Variants in DNAH11 observed in about 807,000 individuals in gnomAD.
The protein encoded by DNAH11 is axonemal beta dynein heavy chain 11.
DNAH11 carries 442 observed loss-of-function variants against 526.0 expected under a neutral mutation model. The observed-to-expected ratio is 0.84, with a 90% confidence interval of 0.78 to 0.91. The LOEUF (loss-of-function observed/expected upper bound fraction) is 0.91. Among genes scored for constraint, DNAH11 ranks in the 40% least tolerant of loss-of-function variants. The pLI, the probability that DNAH11 is intolerant of heterozygous loss-of-function variation, is 0.00. For synonymous variants in DNAH11, 2,461 were observed against 1,935.9 expected, an observed-to-expected ratio of 1.27 and a Z score of -7.12; for missense variants, 6,989 against 5,448.7, an observed-to-expected ratio of 1.28 and a Z score of -8.90.
chr7:21,852,273 G>A (rs928216278), intron 66 of DNAH11, among the ~76,000 whole-genome samples, 194 bp from the exon 67 acceptor site: 1 of 151,934 alleles, frequency 6.6e-6, no homozygotes, highest in Non-Finnish European at 1.5e-5. Flanking sequence ...TGGATGTGGT[G>A]GCAGGCACCT....
intron 6 of DNAH11, among the ~76,000 whole-genome samples, chr7:21,569,062 T>C (rs1783779845): frequency 6.6e-6 from 1 of 152,186 alleles, no homozygotes; most frequent in Non-Finnish European, 1.5e-5. Flanking sequence ...TTTTAGACAC[T>C]AAATGAATGA....
At chr7:21,867,194 C>T (rs1288411269) in intron 71 of DNAH11, among the ~76,000 whole-genome samples, 1 of 152,182 alleles carries the variant, frequency 6.6e-6, no homozygotes, top group Non-Finnish European at 1.5e-5. Context: ...TAATGTGCTG[C>T]TTAATTCACA....
intron 65 of DNAH11, among the ~76,000 whole-genome samples, chr7:21,837,947 A>G (rs1782056087): frequency 6.6e-6 from 1 of 152,182 alleles, no homozygotes. Flanking sequence ...GGGGCCCCAT[A>G]AATATGTATA....
At chr7:21,846,175 A>C (rs941822735) in intron 66 of DNAH11, among the ~76,000 whole-genome samples, 1 of 152,180 alleles carries the variant, frequency 6.6e-6, no homozygotes, top group Non-Finnish European at 1.5e-5. Flanking sequence ...TCATGCGTGA[A>C]CAAAGACAAT....
intron 25 of DNAH11, among the ~76,000 whole-genome samples, chr7:21,624,114 A>G (rs984594845): frequency 6.6e-6 from 1 of 152,104 alleles, no homozygotes; most frequent in African/African-American, 2.4e-5. Flanking sequence ...GTTGCAACAC[A>G]TGAGCTTTGA....
chr7:21,595,739 A>C (rs1229736696), intron 14 of DNAH11, among the ~76,000 whole-genome samples: 1 of 152,006 alleles, frequency 6.6e-6, no homozygotes, highest in Non-Finnish European at 1.5e-5. Context: ...CAAACTGAAA[A>C]CACAAATGAA....
At chr7:21,752,025 A>C (rs1786435885) in intron 54 of DNAH11, among the ~76,000 whole-genome samples, 1 of 152,226 alleles carries the variant, frequency 6.6e-6, no homozygotes, top group Non-Finnish European at 1.5e-5. Flanking sequence ...GCAACTTTTT[A>C]AAAATGCATT....
At chr7:21,720,180 T>G (rs1000462986) in intron 43 of DNAH11, among the ~76,000 whole-genome samples, 4 of 152,208 alleles carry the variant, frequency 2.6e-5, no homozygotes, top group African/African-American at 9.6e-5. Flanking sequence ...ATTCTAAATT[T>G]ATGACAACGG....
At chr7:21,763,353 A>AAAAAAAAAAAAAGAAG (rs66803559) in intron 54 of DNAH11, among the ~76,000 whole-genome samples, 1,198 of 56,620 alleles carry the variant, frequency 0.021, 35 homozygotes, top group Non-Finnish European at 0.026. Flanking sequence ...AAAAAAAAAA[A>AAAAAAAAAAAAAGAAG]AAAGAAAAAA....
chr7:21,839,435 T>C (rs6958523), intron 65 of DNAH11, among the ~76,000 whole-genome samples: 97,627 of 151,472 alleles, frequency 0.64, 31,806 homozygotes, highest in Non-Finnish European at 0.67. Context: ...ATTAGCTGGG[T>C]GTGGTGGTGG....
At position 21,733,966 on chromosome 7, in the gene DNAH11, A is replaced by G. The variant is rs114120327; in HGVS notation, c.7441-1674A>G. On this transcript the variant is annotated intron_variant, in intron 45 of 81. Coordinates refer to ENST00000409508, the MANE Select transcript of DNAH11 (RefSeq NM_001277115.2). The stretch of plus-strand genomic sequence containing the variant: ...ATTAAAGGAGTTTTGGGAACATTGG[A>G]CTTTGAATTTTAAAACTGGGAAATC... Among the ~76,000 whole-genome samples the G allele has an allele frequency of 2.4e-3, 359 of 152,218 alleles. 2 individuals carry two copies. Among genetic ancestry groups the G allele is most frequent in the African/African-American group, 7.0e-3 (289 of 41,530 alleles).
rs542362039 is a variant in DNAH11, at chr7:21,822,163, AT to A, written c.10691+3832del. Among the ~76,000 whole-genome samples the A allele has an allele frequency of 3.6e-3, 541 of 151,908 alleles. 4 individuals are homozygous for A. Among genetic ancestry groups the A allele is most frequent in the African/African-American group, 0.013 (521 of 41,410 alleles). ...CTGAGACTGGGTAATTTATTTATTT[AT>A]TTTTTTTAAAAAGAGTTTGATTTAA... On this transcript the variant is annotated intron_variant, in intron 65 of 81. Coordinates refer to ENST00000409508, the MANE Select transcript of DNAH11 (RefSeq NM_001277115.2).
At chr7:21,895,919 C>G (rs764208752) in intron 79 of DNAH11, among the ~76,000 whole-genome samples, 16 of 152,062 alleles carry the variant, frequency 1.1e-4, no homozygotes, top group Non-Finnish European at 1.9e-4. Flanking sequence ...TTAGTAGAGA[C>G]GGGGTTTCAC....
chr7:21,901,317 G>T lies in DNAH11; in HGVS notation c.*63G>T. 6.6e-6 allele frequency: 10 copies of T among 1,514,108 alleles called. No individual in the cohort carries two copies. Among genetic ancestry groups the T allele is most frequent in the Non-Finnish European group, 8.8e-6 (10 of 1,131,344 alleles). The allele number at this position is 1,514,108 out of a possible 1,614,324, so 93.8% of individuals were successfully genotyped here. ...AGTGAGGATTTTCTAGCATGTTGCT[G>T]CACTGTTCCCATGCACATTATTCTA... On this transcript the variant is annotated 3_prime_UTR_variant, in exon 82 of 82. Coordinates refer to ENST00000409508, the MANE Select transcript of DNAH11 (RefSeq NM_001277115.2).
chr7:21,623,697 C>G (rs1007022097), intron 25 of DNAH11, among the ~76,000 whole-genome samples: 1 of 151,860 alleles, frequency 6.6e-6, no homozygotes, highest in Non-Finnish European at 1.5e-5. Context: ...TCATCATTCT[C>G]AGTAAACTAT....
Position 21,892,579 on chromosome 7 carries a change from C to G in DNAH11, c.12662C>G (p.Thr4221Arg). ...PNAEIEFLTVTSNTLFRTLLE... is the reference protein window; with the variant it reads ...PNAEIEFLTVRSNTLFRTLLE... ...GCTGAAATAGAATTCCTGACAGTGA[C>G]ATCCAACACTCTCTTCAGAACTTTG... The change falls in exon 77 of 82, where the codon ACA (threonine) becomes AGA (arginine). Residue 4221 changes from threonine (T) to arginine (R), a missense_variant. Transcript: ENST00000409508. 1.9e-6 allele frequency: 3 copies of G among 1,614,020 alleles called. No homozygotes were observed. The highest frequency in any genetic ancestry group is 2.5e-6 in the Non-Finnish European group (3 of 1,179,884).
chr7:21,871,738 G>A (rs1044668110), intron 73 of DNAH11, among the ~76,000 whole-genome samples: 1 of 152,106 alleles, frequency 6.6e-6, no homozygotes, highest in Non-Finnish European at 1.5e-5. Flanking sequence ...TAGAGTGGAC[G>A]GCCAACTTTC....
intron 64 of DNAH11, among the ~76,000 whole-genome samples, chr7:21,817,499 A>G (rs1789848355): frequency 7.1e-6 from 1 of 141,574 alleles, no homozygotes; most frequent in African/African-American, 2.6e-5. Flanking sequence ...TGAGCGACAT[A>G]GTGAGACCCC....
chr7:21,582,000 T>A lies in DNAH11; in HGVS notation c.1689T>A (p.Asn563Lys). The change falls in exon 9 of 82, where the codon AAT (asparagine) becomes AAA (lysine). Residue 563 changes from asparagine to lysine, a missense_variant. Transcript: ENST00000409508. ...TIICEAFFNCNGLEAAFKLLT... is the reference protein window; with the variant it reads ...TIICEAFFNCKGLEAAFKLLT... Reference sequence around the variant, plus strand: ...TTTGTGAAGCTTTCTTTAACTGCAATGGCTTAGAAGCTGCATTTAAGGTTA... The same window carrying A: ...TTTGTGAAGCTTTCTTTAACTGCAAAGGCTTAGAAGCTGCATTTAAGGTTA... The A allele has an allele frequency of 1.9e-6, 3 of 1,611,962 alleles. No homozygotes were observed. The highest frequency in any genetic ancestry group is 2.5e-6 in the Non-Finnish European group (3 of 1,178,278).
Sources: allele counts gnomAD v4.1 joint callset (sites outside exome capture counted in the v4.1 genomes callset), GRCh38; gene constraint gnomAD v4.1.1; transcripts MANE v1.5; gene names NCBI Gene and HGNC (gene_info 2026-07-23, HGNC 2026-07-21).